MAST4: variants seen among roughly 807,000 people sequenced by gnomAD.
MAST4 encodes microtubule associated serine/threonine kinase family member 4, also known as microtubule-associated serine/threonine-protein kinase 4.
MAST4 carries 89 observed loss-of-function variants against 162.7 expected under a neutral mutation model. The ratio of observed to expected loss-of-function variants is 0.55; its 90% CI spans 0.46 to 0.65. MAST4 has a LOEUF of 0.65. Among genes scored for constraint, MAST4 ranks in the 30% least tolerant of loss-of-function variants. MAST4 has a pLI of 0.00. For synonymous variants in MAST4, 1,479 were observed against 1,361.1 expected (o/e 1.09, Z -1.91); for missense variants, 3,153 against 3,374.0 (o/e 0.93, Z 1.62).
intron 1 of MAST4, among the ~76,000 whole-genome samples, chr5:66,636,905 T>G (rs1368430697): frequency 1.3e-5 from 2 of 152,212 alleles, no homozygotes; most frequent in African/African-American, 4.8e-5. Context: ...GATTATATTG[T>G]TTGAAAGGTA....
chr5:67,142,546 T>C lies in MAST4; in HGVS notation c.2730+13T>C. 6.7e-7 allele frequency: 1 copy of C among 1,493,858 alleles called. No individual in the cohort carries two copies. The highest frequency in any genetic ancestry group is 1.2e-5 in the South Asian group (1 of 83,164). The allele number at this position is 1,493,858 out of a possible 1,614,324, so 92.5% of individuals were successfully genotyped here. A position where few individuals can be genotyped will look rare whatever the true frequency, so the allele number is the denominator to read the frequency against. ...CAGGTTTTCAAAAGTAAGTGAAATG[T>C]GGCATAAACATACAGAGTCTCTCTG... On this transcript the variant is annotated intron_variant, in intron 21 of 28. Transcript: ENST00000403625.
chr5:66,847,329 G>T (rs1758930080), intron 3 of MAST4, among the ~76,000 whole-genome samples: 1 of 152,096 alleles, frequency 6.6e-6, no homozygotes, highest in Non-Finnish European at 1.5e-5. Flanking sequence ...GACATTAATT[G>T]GGAGATACAA....
intron 4 of MAST4, among the ~76,000 whole-genome samples, chr5:66,943,693 C>A (rs1003116059): frequency 4.6e-5 from 7 of 151,944 alleles, no homozygotes; most frequent in African/African-American, 1.5e-4. Context: ...ATTTTATTAT[C>A]TCTTCAGGAA....
At chr5:66,931,714 T>C (rs1742216384) in intron 4 of MAST4, among the ~76,000 whole-genome samples, 1 of 152,156 alleles carries the variant, frequency 6.6e-6, no homozygotes, top group Non-Finnish European at 1.5e-5. Flanking sequence ...TTAGCTCATA[T>C]TGAAGATAGC....
In MAST4 at chr5:66,726,214, G is replaced by A. The variant is rs527594991; in HGVS notation, c.364-33495G>A. On this transcript the variant is annotated intron_variant, in intron 1 of 28. Coordinates refer to ENST00000403625, the MANE Select transcript of MAST4 (RefSeq NM_001164664.2). Reference sequence around the variant, plus strand: ...GAAGTGATGTTTAAGACTTGGAGGAGGTAGATAAAATCCTTCTTGCCTAGT... The same window carrying A: ...GAAGTGATGTTTAAGACTTGGAGGAAGTAGATAAAATCCTTCTTGCCTAGT... Among the ~76,000 whole-genome samples the A allele has an allele frequency of 2.6e-5, 4 of 152,100 alleles. 1 individual carries two copies. Among genetic ancestry groups the A allele is most frequent in the African/African-American group, 9.6e-5 (4 of 41,512 alleles).
chr5:67,099,485 T>C (rs1332888475), intron 7 of MAST4, among the ~76,000 whole-genome samples: 3 of 152,080 alleles, frequency 2.0e-5, no homozygotes, highest in Non-Finnish European at 4.4e-5. Flanking sequence ...AAGGATACTC[T>C]TAATATAATG....
intron 4 of MAST4, among the ~76,000 whole-genome samples, chr5:66,924,594 A>T (rs1172137291): frequency 6.6e-6 from 1 of 151,950 alleles, no homozygotes; most frequent in Admixed American, 6.6e-5. Flanking sequence ...TTTAGTAGAG[A>T]TGGGGTTTCA....
chr5:66,886,783 A>G (rs969420634), intron 3 of MAST4, among the ~76,000 whole-genome samples: 1 of 151,522 alleles, frequency 6.6e-6, no homozygotes, highest in African/African-American at 2.4e-5. Flanking sequence ...AGATGGCTGC[A>G]TTCACATGTA....
rs1370098371 is a variant in MAST4 at position 67,165,455 on chromosome 5, G to A, written c.6276G>A (p.Leu2092=). The A allele has an allele frequency of 2.5e-6, 4 of 1,613,798 alleles. No homozygotes were observed. Among genetic ancestry groups the A allele is most frequent in the Non-Finnish European group, 3.4e-6 (4 of 1,179,904 alleles). The change falls in exon 29 of 29, where the codon CTG becomes CTA. Residue 2092 remains leucine, a synonymous_variant. Coordinates refer to ENST00000403625, the MANE Select transcript of MAST4 (RefSeq NM_001164664.2). ...AAGCGCTTCTTGCCAGGCGGTCTCT[G>A]CAGCCACCTGGAATTGAGAGTGAGA... ...KPEALLARRS[L]QPPGIESEKS...
chr5:66,912,192 TC>T (rs1180937107), intron 4 of MAST4, among the ~76,000 whole-genome samples: 1 of 152,174 alleles, frequency 6.6e-6, no homozygotes, highest in African/African-American at 2.4e-5. Context: ...AGTGGGACCT[TC>T]CCACTGGACT....
chr5:66,716,867 A>G (rs1425819675), intron 1 of MAST4, among the ~76,000 whole-genome samples: 4 of 152,136 alleles, frequency 2.6e-5, no homozygotes, highest in Non-Finnish European at 5.9e-5. Flanking sequence ...TTTATCATTT[A>G]TATCTTTCCC....
rs548297365 is a variant in MAST4 at position 67,024,616 on chromosome 5, G to A, written c.675-29788G>A. Among the ~76,000 whole-genome samples the A allele has an allele frequency of 2.0e-5, 3 of 151,966 alleles. No homozygotes were observed. In the South Asian group the frequency reaches 6.2e-4, roughly 32 times the overall value. On this transcript the variant is annotated intron_variant, in intron 4 of 28. Coordinates refer to ENST00000403625, the MANE Select transcript of MAST4 (RefSeq NM_001164664.2). ...GATAATCCTCTTTGGTGGTAAATAG[G>A]TGAACTGATTTTCTTTTTCTTAGAT...
intron 3 of MAST4, among the ~76,000 whole-genome samples, chr5:66,839,258 G>A (rs753946527): frequency 6.6e-6 from 1 of 152,152 alleles, no homozygotes; most frequent in Non-Finnish European, 1.5e-5. Flanking sequence ...TGAATCTTGA[G>A]TTTGAAGTAC....
intron 2 of MAST4, among the ~76,000 whole-genome samples, chr5:66,780,520 T>C (rs1333603394): frequency 6.6e-6 from 1 of 151,914 alleles, no homozygotes; most frequent in Admixed American, 6.6e-5. Context: ...TCGTGGCGAG[T>C]GTTACAGCTC....
intron 3 of MAST4, among the ~76,000 whole-genome samples, chr5:66,868,350 C>T (rs182537558): frequency 3.4e-4 from 52 of 152,026 alleles, no homozygotes; most frequent in East Asian, 2.5e-3. Flanking sequence ...CCTCTTGGTT[C>T]TAGCTATGTG....
At chr5:66,830,968 G>A (rs1757557912) in intron 3 of MAST4, among the ~76,000 whole-genome samples, 1 of 152,148 alleles carries the variant, frequency 6.6e-6, no homozygotes, top group Non-Finnish European at 1.5e-5. Context: ...GTGTTGTGAG[G>A]TAATCCTGAC....
intron 4 of MAST4, among the ~76,000 whole-genome samples, chr5:66,909,046 G>C (rs1460983225): frequency 6.6e-6 from 1 of 152,122 alleles, no homozygotes; most frequent in African/African-American, 2.4e-5. Context: ...TCTCCCCCCA[G>C]ATCATTTATT....
At chr5:66,931,370 T>G (rs1292144089) in intron 4 of MAST4, among the ~76,000 whole-genome samples, 1 of 152,146 alleles carries the variant, frequency 6.6e-6, no homozygotes, top group Non-Finnish European at 1.5e-5. Flanking sequence ...TGAGTTTATT[T>G]TTCTTGTTGC....
At chr5:66,706,004 C>T (rs1750102651) in intron 1 of MAST4, among the ~76,000 whole-genome samples, 1 of 152,140 alleles carries the variant, frequency 6.6e-6, no homozygotes, top group African/African-American at 2.4e-5. Flanking sequence ...GTGCTGGATT[C>T]TAAGCCAGTG....
Sources: gnomAD v4.1 joint callset for allele counts (sites outside exome capture counted in the v4.1 genomes callset) on GRCh38, gnomAD v4.1.1 for gene constraint, MANE v1.5 for transcripts, NCBI Gene and HGNC (gene_info 2026-07-23, HGNC 2026-07-21) for gene names.